The following MYO16 variants were observed in gnomAD, a reference collection of about 807,000 sequenced individuals.
MYO16 encodes unconventional myosin-XVI.
MYO16 carries 94 observed loss-of-function variants against 205.3 expected under a neutral mutation model. That is an observed-to-expected ratio of 0.46 (90% CI 0.39 to 0.54). The LOEUF (loss-of-function observed/expected upper bound fraction) is 0.54, where lower values mean the gene tolerates loss of function less well. Among genes scored for constraint, MYO16 ranks in the 20% least tolerant of loss-of-function variants. MYO16 has a pLI of 0.00. For missense variants in MYO16, 2,315 were observed against 2,387.5 expected, an observed-to-expected ratio of 0.97 and a Z score of 0.63; for synonymous variants, 988 against 954.0, an observed-to-expected ratio of 1.04 and a Z score of -0.66.
At chr13:108,898,268 G>A (rs1880527891) in intron 15 of MYO16, 135 bp downstream of exon 15, 2 of 702,178 alleles carry the variant, frequency 2.8e-6, no homozygotes, top group South Asian at 3.5e-5. Context: ...GACCGTGTCT[G>A]GAAACAGCTT....
intron 3 of MYO16, among the ~76,000 whole-genome samples, chr13:108,714,220 G>T (rs140046974): frequency 0.015 from 2,254 of 152,034 alleles, 49 homozygotes; most frequent in African/African-American, 0.049. Context: ...CACGCCCAGC[G>T]AATTTTTTGT....
chr13:109,012,885 T>G (rs1885650765), intron 22 of MYO16, among the ~76,000 whole-genome samples: 1 of 152,026 alleles, frequency 6.6e-6, no homozygotes, highest in South Asian at 2.1e-4. Context: ...CAAACTTTCT[T>G]CTAGGTCTAA....
At chr13:108,642,951 T>C (rs1364520067) in intron 1 of MYO16, among the ~76,000 whole-genome samples, 1 of 152,174 alleles carries the variant, frequency 6.6e-6, no homozygotes, top group Non-Finnish European at 1.5e-5. Flanking sequence ...GAAAGTCTGG[T>C]TCTAGATGTA....
intron 2 of MYO16, among the ~76,000 whole-genome samples, chr13:108,704,450 T>C (rs1416887502): frequency 2.6e-5 from 4 of 152,152 alleles, no homozygotes; most frequent in African/African-American, 9.7e-5. Context: ...TGTATACCTA[T>C]GTAACAAACC....
intron 12 of MYO16, among the ~76,000 whole-genome samples, chr13:108,869,064 C>A (rs1365206966): frequency 6.6e-6 from 1 of 152,186 alleles, no homozygotes; most frequent in Admixed American, 6.5e-5. Flanking sequence ...CTTAAGTCAT[C>A]CACCTTTGGT....
At chr13:109,174,385 G>A (rs1255112188) in intron 33 of MYO16, among the ~76,000 whole-genome samples, 2 of 152,126 alleles carry the variant, frequency 1.3e-5, no homozygotes, top group Non-Finnish European at 2.9e-5. Flanking sequence ...GTTATTTATA[G>A]CATCAGAGGA....
rs947998483 is a variant in MYO16 at position 108,709,383 on chromosome 13, C to T, written c.293-3278C>T. On this transcript the variant is annotated intron_variant, in intron 2 of 34. Coordinates refer to ENST00000457511, the MANE Select transcript of MYO16 (RefSeq NM_001198950.3). ...ATTTTGAAGTTTTACTCTCTGATGC[C>T]GTTTGGGGTTAAGGGCACAATCACT... Among the ~76,000 whole-genome samples, 3 of 151,028 alleles carry T rather than the reference C, an allele frequency of 2.0e-5. 1 individual carries two copies. Among genetic ancestry groups the T allele is most frequent in the African/African-American group, 4.9e-5 (2 of 41,034 alleles).
At chr13:109,091,378 C>T (rs913746413) in intron 27 of MYO16, among the ~76,000 whole-genome samples, 3 of 152,228 alleles carry the variant, frequency 2.0e-5, no homozygotes, top group African/African-American at 2.4e-5. Flanking sequence ...CAAGCTTAAT[C>T]GGTTTTCCCT....
chr13:108,558,042 T>A, the MYO16 span, among the ~76,000 whole-genome samples: 1 of 152,222 alleles, frequency 6.6e-6, no homozygotes, highest in East Asian at 1.9e-4. Flanking sequence ...TTATGAAAAT[T>A]TTATTTTCAA....
At chr13:109,102,088 T>C (rs1334336745) in intron 28 of MYO16, among the ~76,000 whole-genome samples, 2 of 152,026 alleles carry the variant, frequency 1.3e-5, no homozygotes, top group Admixed American at 6.5e-5. Flanking sequence ...GTTATCTTTT[T>C]TCCTTTTCTT....
chr13:108,579,151 C>T, the MYO16 span, among the ~76,000 whole-genome samples: 1 of 152,112 alleles, frequency 6.6e-6, no homozygotes, highest in Non-Finnish European at 1.5e-5. Flanking sequence ...GAAACTTGGA[C>T]AGAGTGGTGG....
chr13:108,921,893 C>T (rs987231604), intron 16 of MYO16, among the ~76,000 whole-genome samples: 3 of 152,122 alleles, frequency 2.0e-5, no homozygotes, highest in African/African-American at 4.8e-5. Flanking sequence ...TTGTGAGTGA[C>T]GGAGTGAGTG....
intron 33 of MYO16, among the ~76,000 whole-genome samples, chr13:109,165,271 C>T (rs772545544): frequency 5.9e-5 from 9 of 152,024 alleles, no homozygotes; most frequent in South Asian, 2.1e-4. Context: ...TTGACTTTTC[C>T]GAAATTTTAT....
intron 2 of MYO16, among the ~76,000 whole-genome samples, chr13:108,710,379 G>A (rs1318027051): frequency 6.6e-6 from 1 of 151,986 alleles, no homozygotes; most frequent in African/African-American, 2.4e-5. Flanking sequence ...TCATCCTCCA[G>A]GTTAATATGC....
rs1372485926 is a variant in MYO16, at chr13:108,883,182, C to T, written c.1549C>T (p.Leu517Phe). The change falls in exon 13 of 35, where the codon CTC (leucine) becomes TTC (phenylalanine). Residue 517 changes from leucine (L) to phenylalanine (F), a missense_variant. Around this residue, in one of 3 missense-constraint regions of MYO16, gnomAD observed 1,213 missense variants for 1,274.4 expected, o/e 0.95. Transcript: ENST00000457511. The stretch of plus-strand genomic sequence containing the variant: ...GGAACAGCGGCCTCAGTGTTTCATC[C>T]TCAGGTGAGTCCTCCTCAACCTTGT... Reference protein sequence around the residue: ...FREQRPQCFILSGERGSGKSE... With the variant: ...FREQRPQCFIFSGERGSGKSE... 1.2e-6 allele frequency: 2 copies of T among 1,613,518 alleles called. No individual in the cohort carries two copies. The highest frequency in any genetic ancestry group is 8.5e-7 in the Non-Finnish European group (1 of 1,179,680).
At chr13:108,957,951 C>T in intron 17 of MYO16, 152 bp downstream of exon 17, 1 of 609,276 alleles carries the variant, frequency 1.6e-6, no homozygotes, top group South Asian at 1.9e-5. Flanking sequence ...CCAATCCCTG[C>T]CTCCTAGAGC....
intron 32 of MYO16, among the ~76,000 whole-genome samples, chr13:109,153,587 C>T (rs1877806760): frequency 6.6e-6 from 1 of 152,054 alleles, no homozygotes; most frequent in Non-Finnish European, 1.5e-5. Context: ...GGTCAAACCC[C>T]ATCTCTACTA....
chr13:108,573,595 G>A, the MYO16 span, among the ~76,000 whole-genome samples: 1 of 152,168 alleles, frequency 6.6e-6, no homozygotes, highest in Non-Finnish European at 1.5e-5. Flanking sequence ...AAGAAAGAAA[G>A]TAGGATAAGG....
intron 23 of MYO16, among the ~76,000 whole-genome samples, chr13:109,037,138 A>G (rs2094747877): frequency 6.6e-6 from 1 of 152,212 alleles, no homozygotes; most frequent in African/African-American, 2.4e-5. Context: ...TTTCTTTCCT[A>G]GAAATGCTTC....
Sources: gnomAD v4.1 joint callset for allele counts (sites outside exome capture counted in the v4.1 genomes callset) on GRCh38, gnomAD v4.1.1 for gene constraint, gnomAD v4.1.1 regional missense constraint, MANE v1.5 for transcripts, NCBI Gene and HGNC (gene_info 2026-07-23, HGNC 2026-07-21) for gene names.